The following HTR2A variants were observed in gnomAD, a reference collection of about 807,000 sequenced individuals.
HTR2A encodes the protein 5-HT2 receptor.
HTR2A carries 14 observed loss-of-function variants against 31.0 expected under a neutral mutation model. The observed-to-expected ratio is 0.45, with a 90% CI of 0.30 to 0.71. The LOEUF (loss-of-function observed/expected upper bound fraction) is 0.71, where lower values mean the gene tolerates loss of function less well. HTR2A is among the 30% of genes least tolerant of loss of function. The pLI, the probability that HTR2A is intolerant of heterozygous loss-of-function variation, is 0.09. For missense variants in HTR2A, 442 were observed against 573.3 expected (o/e 0.77, Z 2.34); for synonymous variants, 209 against 225.2 (o/e 0.93, Z 0.64).
At position 46,835,339 on chromosome 13, in the gene HTR2A, G is replaced by A. The variant is rs776251555; in HGVS notation, c.914C>T (p.Ser305Phe). The change falls in exon 4 of 4, where the codon TCC (serine) becomes TTC (phenylalanine). Residue 305 changes from serine (S) to phenylalanine (F), a missense_variant. Ser to Phe is a radical substitution (Grantham distance 155, BLOSUM62 -2). Coordinates refer to ENST00000542664, the MANE Select transcript of HTR2A (RefSeq NM_000621.5). ...CTGCATAGTCCTCCTGCCTGTGTAGGACCCTGGCTCCCTATGGATCGACCG... is the reference window on the plus strand; with the variant it reads ...CTGCATAGTCCTCCTGCCTGTGTAGAACCCTGGCTCCCTATGGATCGACCG... The part of the protein sequence containing the change: ...FQRSIHREPG[S>F]YTGRRTMQSI... The A allele has an allele frequency of 1.2e-6, 2 of 1,613,926 alleles. No homozygotes were observed. The highest frequency in any genetic ancestry group is 1.6e-4 in the Middle Eastern group (1 of 6,082).
intron 3 of HTR2A, among the ~76,000 whole-genome samples, chr13:46,859,049 G>C (rs1950760712): frequency 1.3e-5 from 2 of 152,102 alleles, no homozygotes; most frequent in South Asian, 4.1e-4. Flanking sequence ...CAATATTAAG[G>C]CTTGGAAATC....
At chr13:46,867,375 A>C (rs1328677) in intron 3 of HTR2A, among the ~76,000 whole-genome samples, 98,902 of 152,070 alleles carry the variant, frequency 0.65, 33,092 homozygotes, top group East Asian at 0.95. Context: ...TATCCAAATA[A>C]CTTGACAAGT....
At chr13:46,882,603 C>G (rs2138242324) in intron 3 of HTR2A, among the ~76,000 whole-genome samples, 1 of 152,186 alleles carries the variant, frequency 6.6e-6, no homozygotes, top group Non-Finnish European at 1.5e-5. Flanking sequence ...AAATGAGACT[C>G]CATAAATCCA....
At chr13:46,897,581 T>C (rs1951113943), upstream of HTR2A, among the ~76,000 whole-genome samples, 1 of 152,134 alleles carries the variant, frequency 6.6e-6, no homozygotes, top group African/African-American at 2.4e-5. Flanking sequence ...GCAGTACCAA[T>C]TTTTTTCCCC....
In HTR2A at chr13:46,896,971, G is replaced by T. The variant is rs944860824; in HGVS notation, c.-626C>A. ...AATCATTCACGAGCCCCTCAAAGTC[G>T]CACAAAAGAACTGCATGGGAAAGTA... On this transcript the variant is annotated 5_prime_UTR_variant, in exon 1 of 4. Transcript: ENST00000542664. 4.3e-6 allele frequency: 3 copies of T among 701,902 alleles called. No individual in the cohort carries two copies. The highest frequency in any genetic ancestry group is 3.6e-5 in the African/African-American group (2 of 55,164). 43.5% of individuals were successfully genotyped at this position (701,902 alleles called of 1,614,324 possible).
chr13:46,873,288 CAT>C (rs1950878479), intron 3 of HTR2A, among the ~76,000 whole-genome samples: 1 of 151,558 alleles, frequency 6.6e-6, no homozygotes, highest in Non-Finnish European at 1.5e-5. Context: ...TGTTTTAACT[CAT>C]GTGGTAGTGA....
At chr13:46,896,326 C>T (rs1169720279) in intron 1 of HTR2A, 92 bp from the exon 2 acceptor site, 1 of 693,140 alleles carries the variant, frequency 1.4e-6, no homozygotes, top group Non-Finnish European at 1.9e-6. Context: ...AGTTTAGCAA[C>T]AGTATTATTA....
intron 3 of HTR2A, among the ~76,000 whole-genome samples, chr13:46,889,853 T>C (rs533695984): frequency 6.6e-6 from 1 of 152,332 alleles, no homozygotes; most frequent in South Asian, 2.1e-4. Context: ...TCATTAGATC[T>C]GCCTTTTTCC....
intron 3 of HTR2A, among the ~76,000 whole-genome samples, chr13:46,875,151 G>C (rs1387395776): frequency 6.6e-6 from 1 of 152,082 alleles, no homozygotes; most frequent in Admixed American, 6.5e-5. Context: ...ATAATATGTC[G>C]AGTGGGAATT....
In HTR2A at chr13:46,835,002, C is replaced by G. The variant is rs769988053; in HGVS notation, c.1251G>C (p.Leu417Phe). 1 of 1,614,120 alleles carries G rather than the reference C, an allele frequency of 6.2e-7. No individual in the cohort carries two copies. The highest frequency in any genetic ancestry group is 1.7e-5 in the Admixed American group (1 of 60,006). The change falls in exon 4 of 4, where the codon TTG (leucine) becomes TTC (phenylalanine). Residue 417 changes from leucine (L) to phenylalanine (F), a missense_variant. Around this residue, in one of 5 missense-constraint regions of HTR2A, gnomAD observed 88 missense variants for 83.1 expected, o/e 1.06. Coordinates refer to ENST00000542664, the MANE Select transcript of HTR2A (RefSeq NM_000621.5). ...TTTGAAGTTGGCTAGACTTGTAGGC[C>G]AAAGCCGGTATTGTGTTCACTAAAA... Reference protein sequence around the residue: ...QLILVNTIPALAYKSSQLQMG... With the variant: ...QLILVNTIPAFAYKSSQLQMG...
At position 46,867,191 on chromosome 13, in the gene HTR2A, G is replaced by A. The variant is rs563575140; in HGVS notation, c.613+25199C>T. 1.2e-4 allele frequency among the ~76,000 whole-genome samples: 18 copies of A among 152,270 alleles called. No individual in the cohort carries two copies. The South Asian group carries it at 2.7e-3, about 23-fold the overall frequency. On this transcript the variant is annotated intron_variant, in intron 3 of 3. Transcript: ENST00000542664. ...GGCAAGTACCTATCTGTGAAGAACC[G>A]TCCAAGTTTAAGTCCAGACATAAGA...
intron 3 of HTR2A, among the ~76,000 whole-genome samples, chr13:46,890,047 T>C (rs887865200): frequency 1.3e-5 from 2 of 152,238 alleles, no homozygotes; most frequent in East Asian, 3.8e-4. Context: ...AGATGCACAT[T>C]ACAAGACTGG....
At chr13:46,860,960 C>T (rs865805292) in intron 3 of HTR2A, among the ~76,000 whole-genome samples, 1 of 152,122 alleles carries the variant, frequency 6.6e-6, no homozygotes, top group Admixed American at 6.5e-5. Context: ...AGAATTTCCA[C>T]AAATGAAATG....
chr13:46,863,657 A>AACAAAAAAAAAAAG (rs1555298357), intron 3 of HTR2A, among the ~76,000 whole-genome samples: 1 of 118,256 alleles, frequency 8.5e-6, no homozygotes, highest in East Asian at 2.5e-4. Context: ...AAAGAAAAAA[A>AACAAAAAAAAAAAG]AAAAAGACAG....
intron 2 of HTR2A, among the ~76,000 whole-genome samples, chr13:46,893,441 A>G (rs1951071097): frequency 6.6e-6 from 1 of 152,172 alleles, no homozygotes; most frequent in Non-Finnish European, 1.5e-5. Flanking sequence ...CGCTTTGTGA[A>G]TAGCTGCTTT....
intron 3 of HTR2A, among the ~76,000 whole-genome samples, chr13:46,877,679 G>T (rs917255188): frequency 1.3e-5 from 2 of 152,060 alleles, no homozygotes; most frequent in African/African-American, 4.8e-5. Flanking sequence ...GAAAATTTGT[G>T]ACCTAGTAGG....
intron 3 of HTR2A, among the ~76,000 whole-genome samples, chr13:46,862,962 CAAG>C (rs545615849): frequency 6.6e-6 from 1 of 152,180 alleles, no homozygotes; most frequent in Non-Finnish European, 1.5e-5. Flanking sequence ...CAAGATACCT[CAAG>C]GAGCTCCACT....
chr13:46,863,630 G>GAAAAAAAAAAAAAAAAAAAAA (rs59693757), intron 3 of HTR2A, among the ~76,000 whole-genome samples: 559 of 59,228 alleles, frequency 9.4e-3, no homozygotes, highest in Middle Eastern at 0.016. Context: ...CCCTCAAAAT[G>GAAAAAAAAAAAAAAAAAAAAA]AAAAAAAAAA....
At chr13:46,884,967 T>C (rs984701166) in intron 3 of HTR2A, among the ~76,000 whole-genome samples, 1 of 152,142 alleles carries the variant, frequency 6.6e-6, no homozygotes, top group African/African-American at 2.4e-5. Context: ...TCAAATACAG[T>C]GGTCCCCCCT....
Sources: allele counts gnomAD v4.1 joint callset (sites outside exome capture counted in the v4.1 genomes callset), GRCh38; gene constraint gnomAD v4.1.1; regional missense constraint gnomAD v4.1.1; transcripts MANE v1.5; gene names NCBI Gene and HGNC (gene_info 2026-07-23, HGNC 2026-07-21).